The following TENM2 variants were observed in gnomAD, a reference collection of about 807,000 sequenced individuals.
TENM2 encodes teneurin-2.
In TENM2, 52 loss-of-function variants were observed where a neutral mutation model predicts 245.2. The ratio of observed to expected loss-of-function variants is 0.21; its 90% CI spans 0.17 to 0.27. TENM2 has a LOEUF of 0.27. TENM2 is among the 10% of genes least tolerant of loss of function. The pLI, the probability that TENM2 is intolerant of heterozygous loss-of-function variation, is 1.00. For missense variants in TENM2, 3,046 were observed against 3,666.8 expected (o/e 0.83, Z 4.37); for synonymous variants, 1,363 against 1,438.9 (o/e 0.95, Z 1.19).
At chr5:167,171,830 G>A in the TENM2 span, among the ~76,000 whole-genome samples, 3 of 152,162 alleles carry the variant, frequency 2.0e-5, no homozygotes, top group African/African-American at 4.8e-5. Flanking sequence ...TCCACAGGGT[G>A]CGTGAAGCTA....
At chr5:167,335,943 C>A (rs578213578) in intron 1 of TENM2, among the ~76,000 whole-genome samples, 54 of 152,256 alleles carry the variant, frequency 3.5e-4, no homozygotes, top group Admixed American at 8.5e-4. Flanking sequence ...AATAGAGATA[C>A]TATCATGACC....
At chr5:167,864,396 T>C (rs1772119792) in intron 2 of TENM2, among the ~76,000 whole-genome samples, 1 of 152,244 alleles carries the variant, frequency 6.6e-6, no homozygotes, top group African/African-American at 2.4e-5. Context: ...TTACCTTTTT[T>C]ATGCATGATA....
At chr5:167,477,437 T>TG (rs58501240) in intron 2 of TENM2, among the ~76,000 whole-genome samples, 16 of 151,834 alleles carry the variant, frequency 1.1e-4, no homozygotes, top group African/African-American at 2.7e-4. Flanking sequence ...TGTTGGCGGG[T>TG]GGGGGGGGAG....
chr5:167,952,708 G>T, exon 4 of TENM2: 1 of 1,609,580 alleles, frequency 6.2e-7, no homozygotes. Flanking sequence ...CTGACCAATC[G>T]GCGGAGTCAG....
At chr5:167,826,525 C>T (rs1226549522) in intron 2 of TENM2, among the ~76,000 whole-genome samples, 2 of 152,182 alleles carry the variant, frequency 1.3e-5, no homozygotes, top group East Asian at 1.9e-4. Flanking sequence ...TGTCACTAAC[C>T]TTCAAGCCAA....
intron 2 of TENM2, among the ~76,000 whole-genome samples, chr5:167,384,365 G>A (rs1467389129): frequency 1.3e-5 from 2 of 152,104 alleles, no homozygotes; most frequent in Admixed American, 6.6e-5. Context: ...ATGAGATGAT[G>A]GATATTCTAA....
intron 2 of TENM2, among the ~76,000 whole-genome samples, chr5:167,396,766 T>A (rs1161594935): frequency 1.3e-5 from 2 of 152,052 alleles, no homozygotes; most frequent in African/African-American, 2.4e-5. Context: ...TTTGGAGAAA[T>A]GGTTAAGACT....
chr5:168,185,871 G>A (rs557740858), intron 13 of TENM2, among the ~76,000 whole-genome samples: 1 of 140,334 alleles, frequency 7.1e-6, no homozygotes, highest in South Asian at 2.3e-4. Flanking sequence ...GGAGTTTCTG[G>A]TTATAGTTAT....
intron 2 of TENM2, among the ~76,000 whole-genome samples, chr5:167,418,727 G>T (rs184249063): frequency 1.3e-5 from 2 of 152,116 alleles, no homozygotes; most frequent in African/African-American, 4.8e-5. Flanking sequence ...AATGTCAAGC[G>T]TGTGTTTGCT....
chr5:167,458,058 C>T (rs1179055371), intron 2 of TENM2, among the ~76,000 whole-genome samples: 2 of 152,002 alleles, frequency 1.3e-5, no homozygotes, highest in Non-Finnish European at 2.9e-5. Context: ...TTTTTCAGGT[C>T]AGAGAAGTCA....
chr5:167,105,054 A>G, the TENM2 span, among the ~76,000 whole-genome samples: 1 of 152,228 alleles, frequency 6.6e-6, no homozygotes, highest in African/African-American at 2.4e-5. Flanking sequence ...TTTGCTGTCT[A>G]TCAAAAACAA....
chr5:167,123,981 C>A, the TENM2 span, among the ~76,000 whole-genome samples: 3 of 152,156 alleles, frequency 2.0e-5, no homozygotes, highest in Non-Finnish European at 2.9e-5. Context: ...AGTAAAAGTA[C>A]AATTAAAAAA....
the TENM2 span, among the ~76,000 whole-genome samples, chr5:167,233,956 T>C: frequency 0.21 from 31,388 of 151,664 alleles, 3,807 homozygotes; most frequent in African/African-American, 0.34. Context: ...AAAAGAACCT[T>C]ATGGTTTTTT....
intron 1 of TENM2, among the ~76,000 whole-genome samples, chr5:167,338,900 T>G (rs1051973942): frequency 6.6e-6 from 1 of 152,150 alleles, no homozygotes; most frequent in Non-Finnish European, 1.5e-5. Flanking sequence ...TCCTCTTGTT[T>G]TAAGTCATCA....
At chr5:167,561,807 T>A (rs1020532773) in intron 2 of TENM2, among the ~76,000 whole-genome samples, 6 of 152,326 alleles carry the variant, frequency 3.9e-5, no homozygotes, top group African/African-American at 7.2e-5. Flanking sequence ...GAATTTTTTT[T>A]AATGACATTT....
At chr5:168,096,403 A>G (rs12656958) in intron 8 of TENM2, among the ~76,000 whole-genome samples, 2,838 of 152,314 alleles carry the variant, frequency 0.019, 144 homozygotes, top group Admixed American at 0.12. Context: ...AGCCAACCTC[A>G]AGGAGTTTCA....
intron 2 of TENM2, among the ~76,000 whole-genome samples, chr5:167,822,111 C>T (rs1196536316): frequency 6.6e-6 from 1 of 151,846 alleles, no homozygotes; most frequent in Non-Finnish European, 1.5e-5. Flanking sequence ...GACACTTTTC[C>T]AGCAAACCTT....
chr5:167,829,384 GA>G (rs1322794274), intron 2 of TENM2, among the ~76,000 whole-genome samples: 1 of 152,170 alleles, frequency 6.6e-6, no homozygotes, highest in Non-Finnish European at 1.5e-5. Flanking sequence ...TAGGAGACAT[GA>G]ACCACACACT....
intron 1 of TENM2, among the ~76,000 whole-genome samples, chr5:167,337,997 T>C (rs530615865): frequency 4.6e-5 from 7 of 152,352 alleles, no homozygotes; most frequent in Admixed American, 2.6e-4. Context: ...GGTAGACATT[T>C]GTAATACAAT....
Sources: allele counts gnomAD v4.1 joint callset (sites outside exome capture counted in the v4.1 genomes callset), GRCh38; gene constraint gnomAD v4.1.1; transcripts MANE v1.5; gene names NCBI Gene and HGNC (gene_info 2026-07-23, HGNC 2026-07-21).